The following ACTR3C variants were observed in gnomAD, a reference collection of about 807,000 sequenced individuals.
ACTR3C encodes the protein actin-related protein 3C.
ACTR3C carries 18 observed loss-of-function variants against 26.3 expected under a neutral mutation model. The ratio of observed to expected loss-of-function variants is 0.68; its 90% CI spans 0.47 to 1.01. The LOEUF is 1.01. Ranked by LOEUF, ACTR3C falls within the 50% of genes least tolerant of loss-of-function variation. The probability of loss-of-function intolerance (pLI) is 0.00; values close to 1 mark genes in which losing one functional copy is unlikely to be tolerated. For missense variants in ACTR3C, 184 were observed against 250.7 expected (o/e 0.73, Z 1.80); for synonymous variants, 55 against 94.5 (o/e 0.58, Z 2.42).
At chr7:150,052,044 G>T in the ACTR3C span, among the ~76,000 whole-genome samples, 2 of 152,088 alleles carry the variant, frequency 1.3e-5, no homozygotes, top group African/African-American at 4.8e-5. Flanking sequence ...AATATTTGAA[G>T]AAATGAAATG....
the ACTR3C span, among the ~76,000 whole-genome samples, chr7:150,040,235 A>C: frequency 6.8e-6 from 1 of 147,796 alleles, no homozygotes; most frequent in Non-Finnish European, 1.5e-5. Context: ...GCCATCCTTT[A>C]GAAACCTGTC....
chr7:150,270,740 T>C (rs1834385603), intron 6 of ACTR3C, among the ~76,000 whole-genome samples: 1 of 151,814 alleles, frequency 6.6e-6, no homozygotes, highest in Non-Finnish European at 1.5e-5. Flanking sequence ...GCTCTCCCTG[T>C]GCTGAGCTGA....
At chr7:150,196,332 A>T in the ACTR3C span, among the ~76,000 whole-genome samples, 1 of 152,116 alleles carries the variant, frequency 6.6e-6, no homozygotes, top group Non-Finnish European at 1.5e-5. Context: ...CATTTTGTAA[A>T]AATTCTATTA....
the ACTR3C span, among the ~76,000 whole-genome samples, chr7:150,222,432 T>C: frequency 1.3e-5 from 2 of 152,228 alleles, no homozygotes; most frequent in Non-Finnish European, 2.9e-5. Flanking sequence ...CTTCGCATAG[T>C]AGTAGGTGTT....
At chr7:150,198,369 G>A in the ACTR3C span, among the ~76,000 whole-genome samples, 1 of 148,250 alleles carries the variant, frequency 6.7e-6, no homozygotes, top group African/African-American at 2.6e-5. Context: ...GAGCGTCTGC[G>A]CCCGGCCGCC....
At chr7:150,317,129 G>A (rs1196392610) in intron 1 of ACTR3C, among the ~76,000 whole-genome samples, 1 of 151,850 alleles carries the variant, frequency 6.6e-6, no homozygotes, top group Non-Finnish European at 1.5e-5. Context: ...TCGGCTCACT[G>A]CAACCTCTGC....
At chr7:149,895,992 GT>G in the ACTR3C span, among the ~76,000 whole-genome samples, 1 of 133,472 alleles carries the variant, frequency 7.5e-6, no homozygotes, top group Non-Finnish European at 1.5e-5. Flanking sequence ...AAGTCTGGGA[GT>G]TTGAGACCAG....
the ACTR3C span, among the ~76,000 whole-genome samples, chr7:150,091,797 A>T: frequency 2.0e-5 from 3 of 149,790 alleles, no homozygotes; most frequent in African/African-American, 7.3e-5. Context: ...CCTGGCTAAC[A>T]CGGTGAAACA....
At chr7:150,206,236 C>G in the ACTR3C span, among the ~76,000 whole-genome samples, 1 of 152,138 alleles carries the variant, frequency 6.6e-6, no homozygotes, top group African/African-American at 2.4e-5. Context: ...TTCAAATTCT[C>G]ATTGTAATCT....
At chr7:150,088,726 C>T in the ACTR3C span, among the ~76,000 whole-genome samples, 434 of 152,240 alleles carry the variant, frequency 2.9e-3, 4 homozygotes, top group Non-Finnish European at 3.4e-3. Flanking sequence ...AACATTCACA[C>T]GGGAATCACT....
Position 150,285,727 on chromosome 7 carries a change from C to A in ACTR3C, c.471+640G>T, listed in dbSNP as rs564745302. Among the ~76,000 whole-genome samples, 436 of 152,190 alleles carry A rather than the reference C, an allele frequency of 2.9e-3. 2 individuals carry two copies. The highest frequency in any genetic ancestry group is 9.8e-3 in the African/African-American group (407 of 41,514). ...ACCTACTGAATATAAACTGAATTAG[C>A]CAGGAATATATACCAAAATATAAAT... On this transcript the variant is annotated intron_variant, in intron 5 of 7. Transcript: ENST00000683684.
At chr7:150,071,041 A>G in the ACTR3C span, among the ~76,000 whole-genome samples, 79 of 107,362 alleles carry the variant, frequency 7.4e-4, no homozygotes, top group African/African-American at 2.2e-3. Flanking sequence ...TGATCCACCT[A>G]CCTCAGCCTC....
downstream of ACTR3C, among the ~76,000 whole-genome samples, chr7:150,239,540 C>CTCTATA (rs1317088405): frequency 9.2e-4 from 83 of 90,190 alleles, no homozygotes; most frequent in East Asian, 1.3e-3. Flanking sequence ...CTCTCTCTCT[C>CTCTATA]TATATATATA....
chr7:149,951,199 G>A, the ACTR3C span, among the ~76,000 whole-genome samples: 1 of 109,968 alleles, frequency 9.1e-6, no homozygotes, highest in Non-Finnish European at 1.7e-5. Flanking sequence ...CCAAACCGCT[G>A]TCTGCGATGC....
chr7:150,042,599 G>A, the ACTR3C span, among the ~76,000 whole-genome samples: 6 of 148,932 alleles, frequency 4.0e-5, no homozygotes, highest in African/African-American at 1.6e-4. Context: ...CCCCCACTGC[G>A]ATGGGAGTCC....
chr7:150,112,093 T>C, the ACTR3C span, among the ~76,000 whole-genome samples: 2 of 149,604 alleles, frequency 1.3e-5, no homozygotes, highest in East Asian at 2.0e-4. Flanking sequence ...CTATCCACGC[T>C]GAGAAGCTCT....
chr7:150,270,930 T>C (rs73470314), intron 6 of ACTR3C, among the ~76,000 whole-genome samples: 32,715 of 150,764 alleles, frequency 0.22, 5,458 homozygotes, highest in African/African-American at 0.48. Flanking sequence ...GTTCTGGGGA[T>C]GCTCCTCTGG....
chr7:149,955,112 A>G, the ACTR3C span, among the ~76,000 whole-genome samples: 1 of 152,238 alleles, frequency 6.6e-6, no homozygotes, highest in South Asian at 2.1e-4. Context: ...TGCTGTGGAC[A>G]TAAAGTATAA....
At chr7:150,078,219 T>A in the ACTR3C span, among the ~76,000 whole-genome samples, 1 of 151,698 alleles carries the variant, frequency 6.6e-6, no homozygotes, top group Non-Finnish European at 1.5e-5. Context: ...TCCCCTTTTT[T>A]TTCTATTTCT....
Sources: allele counts gnomAD v4.1 joint callset (sites outside exome capture counted in the v4.1 genomes callset), GRCh38; gene constraint gnomAD v4.1.1; transcripts MANE v1.5; gene names NCBI Gene and HGNC (gene_info 2026-07-23, HGNC 2026-07-21).